OR14I1: variants seen among roughly 807,000 people sequenced by gnomAD.
The protein encoded by OR14I1 is olfactory receptor family 14 subfamily I member 1, also known as olfactory receptor 14I1.
For missense variants in OR14I1, 279 were observed against 181.8 expected, an observed-to-expected ratio of 1.53 and a Z score of -3.07; for synonymous variants, 118 against 71.1, an observed-to-expected ratio of 1.66 and a Z score of -3.32.
At chr1:248,695,647 T>C in the OR14I1 span, among the ~76,000 whole-genome samples, 7 of 152,198 alleles carry the variant, frequency 4.6e-5, no homozygotes, top group South Asian at 1.2e-3. Flanking sequence ...TGGAGAGGCA[T>C]GTGGGCGTCT....
At chr1:248,701,174 C>T in the OR14I1 span, among the ~76,000 whole-genome samples, 2 of 151,422 alleles carry the variant, frequency 1.3e-5, no homozygotes, top group Non-Finnish European at 2.9e-5. Context: ...TTTTTTGAGA[C>T]GGAGTCTCTC....
chr1:248,690,783 A>G, the OR14I1 span, among the ~76,000 whole-genome samples: 3 of 151,958 alleles, frequency 2.0e-5, no homozygotes, highest in Admixed American at 2.0e-4. Flanking sequence ...AACCAAAAAA[A>G]AAAAAAGAAA....
the OR14I1 span, among the ~76,000 whole-genome samples, chr1:248,699,504 G>C: frequency 6.6e-6 from 1 of 152,140 alleles, no homozygotes; most frequent in Non-Finnish European, 1.5e-5. Flanking sequence ...GGGGAGATGG[G>C]TGGAGGCTAA....
At chr1:248,688,057 ATATC>A in the OR14I1 span, among the ~76,000 whole-genome samples, 3 of 152,238 alleles carry the variant, frequency 2.0e-5, no homozygotes, top group South Asian at 6.2e-4. Context: ...CAGTTTCCAA[ATATC>A]TATTTTTCTT....
the OR14I1 span, among the ~76,000 whole-genome samples, chr1:248,688,957 G>C: frequency 3.3e-5 from 5 of 152,194 alleles, no homozygotes; most frequent in African/African-American, 1.2e-4. Flanking sequence ...TGCCCAGGGA[G>C]TGTAGCCCTT....
At chr1:248,688,490 C>A in the OR14I1 span, among the ~76,000 whole-genome samples, 1 of 152,226 alleles carries the variant, frequency 6.6e-6, no homozygotes, top group South Asian at 2.1e-4. Context: ...GGTTTTCCAA[C>A]CCACCTTCTG....
At chr1:248,686,860 CAGA>C (rs1298561923), upstream of OR14I1, among the ~76,000 whole-genome samples, 1 of 152,128 alleles carries the variant, frequency 6.6e-6, no homozygotes, top group East Asian at 1.9e-4. Flanking sequence ...TGTGTCTCAC[CAGA>C]AGAAGTGACC....
At chr1:248,694,012 T>C in the OR14I1 span, among the ~76,000 whole-genome samples, 1 of 152,134 alleles carries the variant, frequency 6.6e-6, no homozygotes, top group Non-Finnish European at 1.5e-5. Flanking sequence ...CTCTAATAAT[T>C]TTCTTCAAGT....
At chr1:248,685,479 G>A (rs74154546), upstream of OR14I1, among the ~76,000 whole-genome samples, 761 of 152,168 alleles carry the variant, frequency 5.0e-3, 6 homozygotes, top group African/African-American at 0.018. Context: ...CAGTGTACAG[G>A]AGTATACTAT....
chr1:248,702,480 C>G, the OR14I1 span, among the ~76,000 whole-genome samples: 2 of 152,174 alleles, frequency 1.3e-5, no homozygotes, highest in Admixed American at 6.5e-5. Context: ...ATTAAAAAAT[C>G]CTGCTGTATC....
downstream of OR14I1, chr1:248,681,293 A>T: frequency 3.5e-6 from 2 of 571,998 alleles, no homozygotes; most frequent in African/African-American, 1.9e-5. Context: ...CAATTTTTTC[A>T]TCTTTTTTTG....
chr1:248,687,752 T>A, the OR14I1 span, among the ~76,000 whole-genome samples: 4 of 152,308 alleles, frequency 2.6e-5, 1 homozygote, highest in Middle Eastern at 0.014. Context: ...AGTAGAAAAA[T>A]CACCTGCTTG....
the OR14I1 span, among the ~76,000 whole-genome samples, chr1:248,697,499 AC>A: frequency 2.1e-5 from 3 of 142,656 alleles, no homozygotes; most frequent in Non-Finnish European, 4.6e-5. Context: ...AAAAAAAAAA[AC>A]ATGGCCGGGC....
chr1:248,681,328 G>T, exon 1 of OR14I1: 20 of 622,728 alleles, frequency 3.2e-5, no homozygotes, highest in Non-Finnish European at 4.6e-5. Context: ...TGCTTTTTTG[G>T]GGTTTTGTTG....
the OR14I1 span, among the ~76,000 whole-genome samples, chr1:248,692,379 C>G: frequency 6.6e-6 from 1 of 152,256 alleles, no homozygotes; most frequent in African/African-American, 2.4e-5. Flanking sequence ...TTCCTGCATT[C>G]CCAACTGCAT....
the OR14I1 span, among the ~76,000 whole-genome samples, chr1:248,694,073 G>T: frequency 6.6e-6 from 1 of 152,128 alleles, no homozygotes; most frequent in Non-Finnish European, 1.5e-5. Flanking sequence ...CACTGGAGGG[G>T]CAGAGGGAGG....
At chr1:248,678,162 A>T (rs1234849329), downstream of OR14I1, among the ~76,000 whole-genome samples, 1 of 152,232 alleles carries the variant, frequency 6.6e-6, no homozygotes, top group East Asian at 1.9e-4. Flanking sequence ...TTTATTCCAA[A>T]TATTTTATAG....
At chr1:248,694,881 C>T in the OR14I1 span, among the ~76,000 whole-genome samples, 2 of 152,224 alleles carry the variant, frequency 1.3e-5, no homozygotes, top group African/African-American at 4.8e-5. Flanking sequence ...TTACCTTCTG[C>T]AGTGATCAAA....
chr1:248,688,033 T>A, the OR14I1 span, among the ~76,000 whole-genome samples: 1 of 152,234 alleles, frequency 6.6e-6, no homozygotes, highest in Non-Finnish European at 1.5e-5. Context: ...ATCATTAATG[T>A]TTTTTTATTT....
Sources: gnomAD v4.1 joint callset for allele counts (sites outside exome capture counted in the v4.1 genomes callset) on GRCh38, gnomAD v4.1.1 for gene constraint, MANE v1.5 for transcripts, NCBI Gene and HGNC (gene_info 2026-07-23, HGNC 2026-07-21) for gene names.